Variants in USP32 observed in about 807,000 individuals in gnomAD.
USP32 encodes the protein ubiquitin carboxyl-terminal hydrolase 32.
A neutral mutation model predicts 204.8 loss-of-function variants in USP32; 59 were observed. The observed-to-expected ratio is 0.29, with a 90% CI of 0.23 to 0.36. The LOEUF (loss-of-function observed/expected upper bound fraction) is 0.36. Ranked by LOEUF, USP32 falls within the 10% of genes least tolerant of loss-of-function variation. The pLI is 1.00. For synonymous variants in USP32, 517 were observed against 678.4 expected (o/e 0.76, Z 3.70); for missense variants, 1,160 against 1,946.4 (o/e 0.60, Z 7.60).
intron 2 of USP32, among the ~76,000 whole-genome samples, chr17:60,339,744 T>C (rs932604790): frequency 2.0e-5 from 3 of 152,202 alleles, no homozygotes; most frequent in African/African-American, 4.8e-5. Context: ...ATAAAGCTAC[T>C]GTTTTCAGGA....
At chr17:60,275,361 G>A (rs1188315818) in intron 5 of USP32, among the ~76,000 whole-genome samples, 1 of 152,128 alleles carries the variant, frequency 6.6e-6, no homozygotes, top group Non-Finnish European at 1.5e-5. Flanking sequence ...GGAGGCTGAG[G>A]CAGAAGAATC....
chr17:60,287,593 C>T (rs756586487), intron 5 of USP32, among the ~76,000 whole-genome samples: 37 of 152,106 alleles, frequency 2.4e-4, no homozygotes, highest in Non-Finnish European at 8.8e-5. Flanking sequence ...GACCCAATTG[C>T]GATTCTATAA....
chr17:60,401,743 A>G (rs754779692), intron 1 of USP32, among the ~76,000 whole-genome samples: 66 of 152,168 alleles, frequency 4.3e-4, no homozygotes, highest in Non-Finnish European at 8.8e-4. Flanking sequence ...AAAAAAAGAA[A>G]GAAAGTAGAT....
intron 33 of USP32, 82 bp from the exon 34 acceptor site, chr17:60,179,510 C>T (rs2084045374): frequency 1.5e-5 from 23 of 1,545,480 alleles, no homozygotes; most frequent in Admixed American, 3.7e-5. Context: ...AAGACCAACC[C>T]TCTGTAATTA....
At chr17:60,379,378 G>A (rs1291252937) in intron 1 of USP32, among the ~76,000 whole-genome samples, 2 of 152,050 alleles carry the variant, frequency 1.3e-5, no homozygotes, top group Non-Finnish European at 2.9e-5. Flanking sequence ...CTGACATAGG[G>A]AAATGCACAA....
At chr17:60,355,352 C>T (rs1201972979) in intron 1 of USP32, among the ~76,000 whole-genome samples, 1 of 152,012 alleles carries the variant, frequency 6.6e-6, no homozygotes, top group African/African-American at 2.4e-5. Flanking sequence ...TGTCAAAATG[C>T]AAGGACACAT....
At chr17:60,381,416 G>A (rs1266834895) in intron 1 of USP32, among the ~76,000 whole-genome samples, 3 of 151,342 alleles carry the variant, frequency 2.0e-5, no homozygotes, top group Non-Finnish European at 2.9e-5. Context: ...ACTCCAGCTA[G>A]GGTGACAGAG....
upstream of USP32, among the ~76,000 whole-genome samples, chr17:60,396,762 T>C (rs2089903761): frequency 6.6e-6 from 1 of 152,244 alleles, no homozygotes; most frequent in South Asian, 2.1e-4. Flanking sequence ...AACTTAGATC[T>C]ACCTTGGAGG....
intron 5 of USP32, among the ~76,000 whole-genome samples, chr17:60,284,227 T>A (rs1475020666): frequency 1.3e-5 from 2 of 150,890 alleles, no homozygotes; most frequent in African/African-American, 2.4e-5. Context: ...TTTTTTTTTT[T>A]TTTTGAGACC....
chr17:60,368,999 T>TAAGCCAGGCATGGTGACATC (rs1392707594), intron 1 of USP32, among the ~76,000 whole-genome samples: 1 of 130,798 alleles, frequency 7.6e-6, no homozygotes, highest in African/African-American at 4.0e-5. Flanking sequence ...AGATTTTTTT[T>TAAGCCAGGCATGGTGACATC]TTTTTTTTTT....
chr17:60,418,339 C>T (rs568141304), intron 1 of USP32, among the ~76,000 whole-genome samples: 36 of 151,336 alleles, frequency 2.4e-4, no homozygotes, highest in Non-Finnish European at 4.7e-4. Context: ...GCAATCCACC[C>T]GCTTTGGCCT....
chr17:60,317,343 A>G (rs1377717080), intron 2 of USP32, among the ~76,000 whole-genome samples: 1 of 145,088 alleles, frequency 6.9e-6, no homozygotes, highest in East Asian at 2.1e-4. Context: ...GTGAGACCTC[A>G]TCTCTATTAA....
At chr17:60,302,519 T>C (rs1387126838) in intron 2 of USP32, among the ~76,000 whole-genome samples, 1 of 152,210 alleles carries the variant, frequency 6.6e-6, no homozygotes, top group Non-Finnish European at 1.5e-5. Context: ...CCTTTTCAAC[T>C]CACAATATTC....
chr17:60,206,264 C>T (rs1251974947), intron 25 of USP32, among the ~76,000 whole-genome samples: 1 of 145,124 alleles, frequency 6.9e-6, no homozygotes, highest in Non-Finnish European at 1.5e-5. Context: ...CTGCAGTGAG[C>T]CAAGATGATG....
chr17:60,297,952 G>A (rs1337848102), intron 3 of USP32, among the ~76,000 whole-genome samples: 1 of 152,160 alleles, frequency 6.6e-6, no homozygotes. Context: ...ACAAGTTAGT[G>A]GTCTCCTGAT....
At chr17:60,242,208 G>A (rs993882977) in intron 11 of USP32, among the ~76,000 whole-genome samples, 2 of 152,104 alleles carry the variant, frequency 1.3e-5, no homozygotes, top group African/African-American at 4.8e-5. Context: ...CACTAAAGCC[G>A]TGAACTCCTG....
chr17:60,415,092 G>C (rs2090050028), intron 1 of USP32, among the ~76,000 whole-genome samples: 1 of 152,154 alleles, frequency 6.6e-6, no homozygotes, highest in African/African-American at 2.4e-5. Flanking sequence ...CATGCTTGGG[G>C]AGGGTGGTAT....
At chr17:60,181,285 A>G in intron 32 of USP32, 39 bp downstream of exon 32, 1 of 1,575,312 alleles carries the variant, frequency 6.3e-7, no homozygotes, top group Non-Finnish European at 8.6e-7. Context: ...TGAACAAAAC[A>G]CAGACCACTC....
At chr17:60,268,738 A>C (rs2086660348) in intron 7 of USP32, among the ~76,000 whole-genome samples, 1 of 152,194 alleles carries the variant, frequency 6.6e-6, no homozygotes, top group Non-Finnish European at 1.5e-5. Context: ...ATACCTTCAT[A>C]ATAGAATTAT....
Sources: gnomAD v4.1 joint callset for allele counts (sites outside exome capture counted in the v4.1 genomes callset) on GRCh38, gnomAD v4.1.1 for gene constraint, MANE v1.5 for transcripts, NCBI Gene and HGNC (gene_info 2026-07-23, HGNC 2026-07-21) for gene names.